SHANK2: variants seen among roughly 807,000 people sequenced by gnomAD.
SHANK2 encodes SH3 and multiple ankyrin repeat domains protein 2.
SHANK2 carries 43 observed loss-of-function variants against 133.7 expected under a neutral mutation model. The ratio of observed to expected loss-of-function variants is 0.32; its 90% confidence interval spans 0.25 to 0.41. The LOEUF is 0.41. SHANK2 is among the 10% of genes least tolerant of loss of function. The probability of loss-of-function intolerance (pLI) is 1.00; values close to 1 mark genes in which losing one functional copy is unlikely to be tolerated. For synonymous variants in SHANK2, 1,017 were observed against 952.8 expected, an observed-to-expected ratio of 1.07 and a Z score of -1.24; for missense variants, 1,994 against 2,235.8, an observed-to-expected ratio of 0.89 and a Z score of 2.18.
rs1170545830 is a variant in SHANK2, at chr11:71,167,395, C to T, written c.-12-20057G>A. The stretch of plus-strand genomic sequence containing the variant: ...GGCGCCCCTCACCTCCCGGACAGGG[C>T]GGCTGGCCGGGCGGGGGGCTGACCC... On this transcript the variant is annotated intron_variant, in intron 2 of 25. Coordinates refer to ENST00000601538, the MANE Select transcript of SHANK2 (RefSeq NM_012309.5). Among the ~76,000 whole-genome samples the T allele has an allele frequency of 1.5e-3, 227 of 150,370 alleles. 1 individual carries two copies. Among genetic ancestry groups the T allele is most frequent in the African/African-American group, 4.9e-3 (200 of 40,770 alleles).
chr11:70,742,387 A>AGTAG (rs1946547242), intron 14 of SHANK2, among the ~76,000 whole-genome samples: 1 of 152,230 alleles, frequency 6.6e-6, no homozygotes, highest in Non-Finnish European at 1.5e-5. Context: ...CCTGTCCCTC[A>AGTAG]GGCCACTGCA....
chr11:70,626,216 T>C (rs1261698448), intron 17 of SHANK2, among the ~76,000 whole-genome samples: 1 of 152,244 alleles, frequency 6.6e-6, no homozygotes, highest in Non-Finnish European at 1.5e-5. Context: ...GTCCACTCAA[T>C]GCCTCATCCT....
At chr11:70,922,483 T>C (rs1377661148) in intron 10 of SHANK2, among the ~76,000 whole-genome samples, 1 of 150,576 alleles carries the variant, frequency 6.6e-6, no homozygotes, top group African/African-American at 2.4e-5. Context: ...ACAAAGAAAA[T>C]TTCTAAAGCA....
intron 1 of SHANK2, among the ~76,000 whole-genome samples, chr11:71,230,779 C>T (rs1954729430): frequency 6.6e-6 from 1 of 152,084 alleles, no homozygotes; most frequent in African/African-American, 2.4e-5. Flanking sequence ...ACAAATATGC[C>T]CAACTGATTG....
chr11:71,226,793 T>C (rs1207090291), intron 1 of SHANK2: 1 of 151,790 alleles, frequency 6.6e-6, no homozygotes, highest in Non-Finnish European at 1.5e-5. Context: ...AAAATAATAA[T>C]AAAAGAAGGA....
At chr11:70,549,801 CAG>C (rs1277978457) in intron 17 of SHANK2, among the ~76,000 whole-genome samples, 2 of 152,388 alleles carry the variant, frequency 1.3e-5, no homozygotes, top group African/African-American at 4.8e-5. Context: ...CTCGAGGAAA[CAG>C]AGCTGCATTT....
chr11:70,543,930 G>T (rs991064524), intron 17 of SHANK2, among the ~76,000 whole-genome samples: 3 of 152,212 alleles, frequency 2.0e-5, no homozygotes, highest in African/African-American at 7.2e-5. Context: ...TGCTTGCTGT[G>T]TGTGGGAACC....
rs1026863173 is a variant in SHANK2, at chr11:70,812,519, G to A, written c.1494-5348C>T. On this transcript the variant is annotated intron_variant, in intron 12 of 25. Transcript: ENST00000601538. Reference sequence around the variant, plus strand: ...AGAGCTGGTCCTCACATCCTAGCTCGGGGTTCCCTGCTCTGTCTGGTGACA... The same window carrying A: ...AGAGCTGGTCCTCACATCCTAGCTCAGGGTTCCCTGCTCTGTCTGGTGACA... Among the ~76,000 whole-genome samples, 4 of 152,146 alleles carry A rather than the reference G, an allele frequency of 2.6e-5. No individual in the cohort carries two copies. The East Asian group carries it at 7.7e-4, about 29-fold the overall frequency.
At chr11:70,570,098 T>A (rs2136174176) in intron 17 of SHANK2, among the ~76,000 whole-genome samples, 1 of 152,322 alleles carries the variant, frequency 6.6e-6, no homozygotes, top group African/African-American at 2.4e-5. Flanking sequence ...GACTGTTTTT[T>A]GACCTATAAA....
chr11:70,856,121 G>T (rs1949167729), intron 11 of SHANK2, among the ~76,000 whole-genome samples: 1 of 151,978 alleles, frequency 6.6e-6, no homozygotes, highest in Admixed American at 6.5e-5. Flanking sequence ...TGAATGGGTG[G>T]TTCAATGAGT....
At chr11:71,084,031 G>A (rs1025329093) in intron 8 of SHANK2, among the ~76,000 whole-genome samples, 12 of 150,538 alleles carry the variant, frequency 8.0e-5, no homozygotes, top group East Asian at 2.0e-4. Flanking sequence ...GTGCAGTGGC[G>A]CAGTCTCAGC....
intron 17 of SHANK2, among the ~76,000 whole-genome samples, chr11:70,601,066 T>C (rs937016407): frequency 6.1e-4 from 87 of 142,534 alleles, no homozygotes; most frequent in African/African-American, 2.2e-3. Flanking sequence ...TCTATATCTA[T>C]ATTTGAGATG....
In SHANK2 at chr11:70,485,266, G is replaced by A. The variant is rs1214035919; in HGVS notation, c.4979+48C>T. The A allele has an allele frequency of 2.6e-6, 4 of 1,531,304 alleles. No homozygotes were observed. The highest frequency in any genetic ancestry group is 3.6e-6 in the Non-Finnish European group (4 of 1,108,830). 94.9% of individuals were successfully genotyped at this position (1,531,304 alleles called of 1,614,324 possible). ...CCCGAGGGCCTTTCCTGGTCAGCAG[G>A]GACAGTGCACGCAGAGCGGTGTGCA... On this transcript the variant is annotated intron_variant, in intron 25 of 25. Transcript: ENST00000601538. The surrounding 1 kb of genome is among the most constrained non-coding windows in gnomAD (Gnocchi z 5.8).
chr11:71,094,026 G>A (rs1186797044), intron 7 of SHANK2, among the ~76,000 whole-genome samples: 8 of 152,116 alleles, frequency 5.3e-5, no homozygotes, highest in Non-Finnish European at 1.0e-4. Flanking sequence ...CAACAGGGCA[G>A]GCTCCCACGG....
At chr11:70,712,056 C>T (rs919218725) in intron 14 of SHANK2, among the ~76,000 whole-genome samples, 1 of 152,126 alleles carries the variant, frequency 6.6e-6, no homozygotes, top group African/African-American at 2.4e-5. Context: ...GAAGTTAGGG[C>T]GTTTGTGGAG....
chr11:70,766,220 T>A (rs1172331539), intron 14 of SHANK2, among the ~76,000 whole-genome samples: 7 of 152,220 alleles, frequency 4.6e-5, no homozygotes, highest in Admixed American at 2.0e-4. Context: ...GGCAGCCTAT[T>A]AAGGATGTTG....
At chr11:70,483,887 G>A (rs2058767963) in intron 25 of SHANK2, among the ~76,000 whole-genome samples, 1 of 152,282 alleles carries the variant, frequency 6.6e-6, no homozygotes, top group Admixed American at 6.5e-5. Flanking sequence ...TGACATCCAA[G>A]TCATTTATTT....
At chr11:70,863,697 C>T in intron 11 of SHANK2, 1 of 420,252 alleles carries the variant, frequency 2.4e-6, no homozygotes, top group Non-Finnish European at 4.8e-6. Flanking sequence ...GCACTGGCAC[C>T]CCGTTTCGGC....
At chr11:70,585,738 G>GCCAT (rs139409521) in intron 17 of SHANK2, among the ~76,000 whole-genome samples, 7,874 of 150,022 alleles carry the variant, frequency 0.052, 244 homozygotes, top group East Asian at 0.14. Context: ...CATCCAACTA[G>GCCAT]CCATCCATCC....
Sources: gnomAD v4.1 joint callset for allele counts (sites outside exome capture counted in the v4.1 genomes callset) on GRCh38, gnomAD v4.1.1 for gene constraint, Gnocchi (gnomAD v3.1) non-coding constraint, MANE v1.5 for transcripts, NCBI Gene and HGNC (gene_info 2026-07-23, HGNC 2026-07-21) for gene names.